The following TUBB8 variants were observed in gnomAD, a reference collection of about 807,000 sequenced individuals.
TUBB8 encodes the protein tubulin beta-8 chain.
In TUBB8, 25 loss-of-function variants were observed where a neutral mutation model predicts 33.7. The observed-to-expected ratio is 0.74, with a 90% confidence interval of 0.54 to 1.04. The LOEUF (loss-of-function observed/expected upper bound fraction) is 1.04. Ranked by LOEUF, TUBB8 falls within the 50% of genes least tolerant of loss-of-function variation. The pLI, the probability that TUBB8 is intolerant of heterozygous loss-of-function variation, is 0.00. For missense variants in TUBB8, 279 were observed against 608.0 expected (o/e 0.46, Z 5.69); for synonymous variants, 245 against 240.1 (o/e 1.02, Z -0.19).
chr10:61,009 A>G (rs1383414360), intron 1 of TUBB8, among the ~76,000 whole-genome samples: 4 of 144,784 alleles, frequency 2.8e-5, no homozygotes, highest in Non-Finnish European at 6.0e-5. Flanking sequence ...TCTCACTCAT[A>G]GGTGGGAATT....
chr10:74,625 C>CAAAAAAAAAAAAAAAAAAGAAAAAAAA (rs1834785108), upstream of TUBB8, among the ~76,000 whole-genome samples: 1 of 89,680 alleles, frequency 1.1e-5, no homozygotes, highest in Non-Finnish European at 2.2e-5. Context: ...GACTCAGTAT[C>CAAAAAAAAAAAAAAAAAAGAAAAAAAA]AAAAAAAAAA....
chr10:52,580 A>G (rs1158235606), upstream of TUBB8, among the ~76,000 whole-genome samples: 5 of 152,260 alleles, frequency 3.3e-5, no homozygotes, highest in Non-Finnish European at 7.3e-5. Context: ...GAAGGTGCAG[A>G]TGTACTCATT....
rs1407547921 is a variant in TUBB8, at chr10:63,160, G to A, written c.-846+10809C>T. On this transcript the variant is annotated intron_variant, in intron 1 of 3. Coordinates refer to the TUBB8 transcript ENST00000564130. Reference sequence around the variant, plus strand: ...ACAATCTTGGCTCACTGCAAGCTCCGCCTCCTGGGTTCACGCCATTCTCCT... The same window carrying A: ...ACAATCTTGGCTCACTGCAAGCTCCACCTCCTGGGTTCACGCCATTCTCCT... Among the ~76,000 whole-genome samples, 6 of 151,922 alleles carry A rather than the reference G, an allele frequency of 3.9e-5. No homozygotes were observed. In the East Asian group the frequency reaches 5.8e-4, roughly 15 times the overall value.
downstream of TUBB8, chr10:46,725 G>C (rs1554737838): frequency 8.3e-6 from 3 of 360,728 alleles, no homozygotes; most frequent in East Asian, 1.8e-4. Flanking sequence ...TTCATGTGAA[G>C]CCTGCCTGCC....
chr10:75,841 T>G (rs1554743128), upstream of TUBB8, among the ~76,000 whole-genome samples: 1 of 151,534 alleles, frequency 6.6e-6, no homozygotes, highest in African/African-American at 2.4e-5. Context: ...AAATAAGCCT[T>G]AAAACACCAA....
chr10:48,327 G>C, intron 3 of TUBB8: 3 of 642,968 alleles, frequency 4.7e-6, no homozygotes, highest in South Asian at 1.9e-5. Flanking sequence ...CGGGTTCACA[G>C]ACCTCGCTGC....
At chr10:59,451 A>T (rs1397703287) in intron 1 of TUBB8, among the ~76,000 whole-genome samples, 1 of 152,206 alleles carries the variant, frequency 6.6e-6, no homozygotes, top group Non-Finnish European at 1.5e-5. Flanking sequence ...GGCTTCCAAA[A>T]GTGCTGGGAT....
intron 1 of TUBB8, among the ~76,000 whole-genome samples, chr10:64,519 C>T (rs182729912): frequency 8.9e-4 from 135 of 150,994 alleles, no homozygotes; most frequent in African/African-American, 3.0e-3. Context: ...CTCACCCTAA[C>T]CCTTAACCCT....
chr10:55,759 GTATGT>G (rs1385285434), intron 1 of TUBB8, among the ~76,000 whole-genome samples: 9 of 152,154 alleles, frequency 5.9e-5, no homozygotes, highest in African/African-American at 2.2e-4. Flanking sequence ...ATTTTTTGTT[GTATGT>G]TATCAACACT....
At chr10:70,527 A>C (rs550095506) in intron 1 of TUBB8, among the ~76,000 whole-genome samples, 118 of 152,296 alleles carry the variant, frequency 7.7e-4, no homozygotes, top group Non-Finnish European at 1.2e-3. Flanking sequence ...TTCTGTAAAA[A>C]ACTAGAAAGA....
intron 1 of TUBB8, among the ~76,000 whole-genome samples, chr10:72,015 C>G (rs1275147256): frequency 6.6e-6 from 1 of 151,996 alleles, no homozygotes; most frequent in Admixed American, 6.5e-5. Flanking sequence ...CACTTGAGGT[C>G]AGGAATTAGA....
rs782400971 is a variant in TUBB8 at position 48,831 on chromosome 10, T to C, written c.139A>G (p.Ile47Val). ...CTGGCCTCGTTGTAGTACACGTTGATGCGCTCCAGCTGCAGGTGGCTGTCC... is the reference window on the plus strand; with the variant it reads ...CTGGCCTCGTTGTAGTACACGTTGACGCGCTCCAGCTGCAGGTGGCTGTCC... Reference protein sequence around the residue: ...HGDSHLQLERINVYYNEASGG... With the variant: ...HGDSHLQLERVNVYYNEASGG... The change falls in exon 2 of 4, where the codon ATC becomes GTC. Residue 47 changes from isoleucine (I) to valine (V), a missense_variant. Physicochemically the swap from Ile to Val is conservative, Grantham distance 29 (BLOSUM62 3). Around this residue, in one of 4 missense-constraint regions of TUBB8, gnomAD observed 56 missense variants for 77.9 expected, o/e 0.72. Transcript: ENST00000568584. 1.2e-5 allele frequency: 20 copies of C among 1,606,968 alleles called. No homozygotes were observed. Among genetic ancestry groups the C allele is most frequent in the East Asian group, 2.2e-5 (1 of 44,612 alleles).
chr10:56,525 A>T (rs1554740177), intron 1 of TUBB8, among the ~76,000 whole-genome samples: 2 of 152,246 alleles, frequency 1.3e-5, no homozygotes, highest in Non-Finnish European at 2.9e-5. Flanking sequence ...ACAACTGACA[A>T]TCAAGGTGAA....
rs568190213 is a variant in TUBB8 at position 47,006 on chromosome 10, C to T, written c.*51G>A. On this transcript the variant is annotated 3_prime_UTR_variant, in exon 4 of 4. Coordinates refer to ENST00000568584, the MANE Select transcript of TUBB8 (RefSeq NM_177987.3). The stretch of plus-strand genomic sequence containing the variant: ...GTATAGTGACACATGGCTGTCAGAA[C>T]ACAGTAAAGAATCCACACTGCTTCC... 5.2e-5 allele frequency: 34 copies of T among 652,156 alleles called. No individual in the cohort carries two copies. In the African/African-American group the frequency reaches 5.7e-4, roughly 11 times the overall value. The allele number at this position is 652,156 out of a possible 1,614,324, so 40.4% of individuals were successfully genotyped here. A position where few individuals can be genotyped will look rare whatever the true frequency, so the allele number is the denominator to read the frequency against.
chr10:55,237 C>T (rs1834515301), intron 1 of TUBB8, among the ~76,000 whole-genome samples: 1 of 152,196 alleles, frequency 6.6e-6, no homozygotes, highest in African/African-American at 2.4e-5. Context: ...CATCAGATCT[C>T]ATGAGAACTC....
At chr10:54,078 A>ATAAT (rs1316662794), upstream of TUBB8, among the ~76,000 whole-genome samples, 132 of 140,546 alleles carry the variant, frequency 9.4e-4, no homozygotes, top group Middle Eastern at 3.6e-3. Context: ...TATAAAATGT[A>ATAAT]TAAATTATTT....
intron 1 of TUBB8, among the ~76,000 whole-genome samples, chr10:61,749 G>T (rs369692209): frequency 6.6e-6 from 1 of 152,290 alleles, no homozygotes; most frequent in East Asian, 1.9e-4. Flanking sequence ...AGCTCTTATA[G>T]TATTTGCTTC....
Position 62,950 on chromosome 10 carries a change from A to C in TUBB8, c.-846+11019T>G, listed in dbSNP as rs1362903689. 2.0e-5 allele frequency among the ~76,000 whole-genome samples: 3 copies of C among 152,290 alleles called. No individual in the cohort carries two copies. The East Asian group carries it at 5.8e-4, about 29-fold the overall frequency. Reference sequence around the variant, plus strand: ...TCCTTAACCTTTGGGAGTTCAGTTAAGTGCCTTGAGGTGGTCTTCTTTGGG... The same window carrying C: ...TCCTTAACCTTTGGGAGTTCAGTTACGTGCCTTGAGGTGGTCTTCTTTGGG... On this transcript the variant is annotated intron_variant, in intron 1 of 3. Transcript: ENST00000564130.
intron 1 of TUBB8, among the ~76,000 whole-genome samples, chr10:59,078 T>C (rs1554740554): frequency 6.6e-6 from 1 of 152,230 alleles, no homozygotes; most frequent in African/African-American, 2.4e-5. Flanking sequence ...ATATGACTTT[T>C]ATTATGTTCA....
Sources: allele counts gnomAD v4.1 joint callset (sites outside exome capture counted in the v4.1 genomes callset), GRCh38; gene constraint gnomAD v4.1.1; regional missense constraint gnomAD v4.1.1; transcripts MANE v1.5; gene names NCBI Gene and HGNC (gene_info 2026-07-23, HGNC 2026-07-21).